The following IL1RAPL2 variants were observed in gnomAD, a reference collection of about 807,000 sequenced individuals.
IL1RAPL2 encodes X-linked interleukin-1 receptor accessory protein-like 2.
A neutral mutation model predicts 44.1 loss-of-function variants in IL1RAPL2; 3 were observed. The ratio of observed to expected loss-of-function variants is 0.07; its 90% CI spans 0.03 to 0.18. The LOEUF is 0.18. IL1RAPL2 is among the 10% of genes least tolerant of loss of function. The probability of loss-of-function intolerance (pLI) is 1.00; values close to 1 mark genes in which losing one functional copy is unlikely to be tolerated. For synonymous variants in IL1RAPL2, 181 were observed against 178.8 expected (o/e 1.01, Z -0.10); for missense variants, 391 against 496.4 (o/e 0.79, Z 2.02).
intron 2 of IL1RAPL2, among the ~76,000 whole-genome samples, chrX:104,848,460 A>C (rs1187943254): frequency 1.1e-5 from 1 of 87,628 alleles, no homozygotes; most frequent in Admixed American, 1.3e-4. Context: ...TAACTTAAAC[A>C]ATCTCTCTTT....
rs969101654 is a variant in IL1RAPL2, at chrX:104,829,738, C to T, written c.82+170743C>T. The stretch of plus-strand genomic sequence containing the variant: ...ATTTTGGATATGCAATGGGTGAAGT[C>T]ATGTTCTTGAAATACAGCTCTATAT... On this transcript the variant is annotated intron_variant, in intron 2 of 10. Coordinates refer to ENST00000372582, the MANE Select transcript of IL1RAPL2 (RefSeq NM_017416.2). Among the ~76,000 whole-genome samples, 6 of 112,230 alleles carry T rather than the reference C, an allele frequency of 5.3e-5. No homozygotes were observed. In the Admixed American group the frequency reaches 5.7e-4, roughly 11 times the overall value.
intron 2 of IL1RAPL2, among the ~76,000 whole-genome samples, chrX:104,906,357 G>T (rs1382650941): frequency 9.0e-6 from 1 of 110,535 alleles, no homozygotes; most frequent in African/African-American, 3.3e-5. Context: ...TAGGAGTGGT[G>T]AGAGAGGGCA....
At chrX:105,082,774 C>T (rs1386638398) in intron 2 of IL1RAPL2, among the ~76,000 whole-genome samples, 2 of 111,594 alleles carry the variant, frequency 1.8e-5, no homozygotes, top group African/African-American at 6.5e-5. Context: ...AAAGTACGTC[C>T]ACTCAGAGAC....
At chrX:104,957,702 T>C (rs1053997974) in intron 2 of IL1RAPL2, among the ~76,000 whole-genome samples, 2 of 112,193 alleles carry the variant, frequency 1.8e-5, no homozygotes, top group African/African-American at 6.5e-5. Context: ...TATCCTTTGT[T>C]ATTTTCCAAG....
chrX:104,674,051 C>A (rs766695622), intron 2 of IL1RAPL2, among the ~76,000 whole-genome samples: 3 of 111,580 alleles, frequency 2.7e-5, no homozygotes, highest in African/African-American at 9.8e-5. Flanking sequence ...CAAACAGGGA[C>A]AATTTGACTT....
chrX:105,366,433 A>G (rs1039720536), intron 5 of IL1RAPL2, among the ~76,000 whole-genome samples: 1 of 108,136 alleles, frequency 9.2e-6, no homozygotes, highest in Non-Finnish European at 1.9e-5. Flanking sequence ...TTCTAATTTC[A>G]TAGGTTGTTT....
chrX:104,902,444 A>T (rs1472714308), intron 2 of IL1RAPL2, among the ~76,000 whole-genome samples: 2 of 112,352 alleles, frequency 1.8e-5, no homozygotes, highest in Non-Finnish European at 3.8e-5. Flanking sequence ...ATCAAGAGTA[A>T]GAAAAAAAAT....
chrX:105,155,103 A>G (rs1458223344), intron 2 of IL1RAPL2, among the ~76,000 whole-genome samples: 1 of 111,182 alleles, frequency 9.0e-6, no homozygotes, highest in African/African-American at 3.3e-5. Context: ...GCCTCATTAT[A>G]TCTTGCTTGT....
chrX:104,962,575 G>A (rs2030029547), intron 2 of IL1RAPL2, among the ~76,000 whole-genome samples: 2 of 112,041 alleles, frequency 1.8e-5, no homozygotes, highest in Admixed American at 9.4e-5. Context: ...ATGCACTAAA[G>A]GTGCAATGCT....
intron 6 of IL1RAPL2, among the ~76,000 whole-genome samples, chrX:105,582,038 A>T (rs1024428391): frequency 1.2e-4 from 13 of 111,074 alleles, no homozygotes; most frequent in African/African-American, 3.3e-4. Flanking sequence ...TATGTCAAGG[A>T]TATAATCCCT....
Position 104,647,723 on chromosome X carries a change from T to C in IL1RAPL2, c.-19-11172T>C, listed in dbSNP as rs760674119. 10 of 542,942 alleles carry C rather than the reference T, an allele frequency of 1.8e-5. No homozygotes were observed. The African/African-American group carries it at 2.0e-4, about 11-fold the overall frequency. The allele number at this position is 542,942 out of a possible 1,213,427, so 44.7% of individuals were successfully genotyped here. On this transcript the variant is annotated intron_variant, in intron 1 of 10. Transcript: ENST00000372582. ...GCTAGCGACAGGCCAGGAGAGGATGTGCAGTGTGATGTTGACATTCTGTAA... is the reference window on the plus strand; with the variant it reads ...GCTAGCGACAGGCCAGGAGAGGATGCGCAGTGTGATGTTGACATTCTGTAA...
intron 5 of IL1RAPL2, among the ~76,000 whole-genome samples, chrX:105,332,641 T>C (rs751548862): frequency 6.3e-5 from 7 of 111,659 alleles, no homozygotes; most frequent in Non-Finnish European, 1.3e-4. Flanking sequence ...CCAAAAACTA[T>C]TAGAACTAAT....
chrX:105,185,991 A>G (rs1419602527), intron 2 of IL1RAPL2, among the ~76,000 whole-genome samples: 13 of 112,027 alleles, frequency 1.2e-4, no homozygotes, highest in African/African-American at 3.2e-4. Context: ...CAATAAAAAT[A>G]ACCCAAACAA....
chrX:105,156,992 C>T (rs1179940631), intron 2 of IL1RAPL2, among the ~76,000 whole-genome samples: 4 of 108,853 alleles, frequency 3.7e-5, no homozygotes, highest in African/African-American at 6.7e-5. Flanking sequence ...TCTTTGAGAA[C>T]TTAGGCAAGG....
At chrX:105,350,665 A>G (rs773472691) in intron 5 of IL1RAPL2, among the ~76,000 whole-genome samples, 1 of 112,244 alleles carries the variant, frequency 8.9e-6, no homozygotes, top group Non-Finnish European at 1.9e-5. Context: ...CAGAGGTTGC[A>G]GTGATCCAAG....
intron 2 of IL1RAPL2, among the ~76,000 whole-genome samples, chrX:104,974,763 G>T (rs899882301): frequency 8.9e-5 from 10 of 112,194 alleles, no homozygotes; most frequent in African/African-American, 3.2e-4. Context: ...TTAGGTCAAG[G>T]GTCCAGACCC....
chrX:105,604,979 G>T (rs2037282995), intron 6 of IL1RAPL2, among the ~76,000 whole-genome samples: 1 of 110,411 alleles, frequency 9.1e-6, no homozygotes, highest in African/African-American at 3.3e-5. Context: ...TGCATAGAAA[G>T]AATGCACCTC....
chrX:105,208,933 T>C (rs2033786387), intron 3 of IL1RAPL2, among the ~76,000 whole-genome samples: 1 of 111,842 alleles, frequency 8.9e-6, no homozygotes, highest in African/African-American at 3.3e-5. Flanking sequence ...AGGGCAGCCT[T>C]TCCATACATA....
chrX:105,578,131 G>T lies in IL1RAPL2; in HGVS notation c.772+93744G>T, dbSNP rs773993453. Among the ~76,000 whole-genome samples, 25 of 105,235 alleles carry T rather than the reference G, an allele frequency of 2.4e-4. No homozygotes were observed. The East Asian group carries it at 7.7e-3, about 32-fold the overall frequency. 91.4% of individuals were successfully genotyped at this position (105,235 alleles called of 115,157 possible). ...CCATCTATGAGTGAGAACGTGCGGT[G>T]TTTGGTTTTTTGTCCAATGCATACT... On this transcript the variant is annotated intron_variant, in intron 6 of 10. Transcript: ENST00000372582.
Sources: gnomAD v4.1 joint callset for allele counts (sites outside exome capture counted in the v4.1 genomes callset) on GRCh38, gnomAD v4.1.1 for gene constraint, MANE v1.5 for transcripts, NCBI Gene and HGNC (gene_info 2026-07-23, HGNC 2026-07-21) for gene names.